The following AEN variants were observed in gnomAD, a reference collection of about 807,000 sequenced individuals.
AEN encodes the protein apoptosis-enhancing nuclease.
Under a neutral mutation model 17.7 loss-of-function variants are expected in AEN, and 21 were observed. That is an observed-to-expected ratio of 1.19 (90% CI 0.84 to 1.71). AEN has a LOEUF of 1.71. AEN is among the 40% of genes most tolerant of loss of function. The pLI is 0.00. For synonymous variants in AEN, 190 were observed against 173.0 expected, an observed-to-expected ratio of 1.10 and a Z score of -0.77; for missense variants, 462 against 435.9, an observed-to-expected ratio of 1.06 and a Z score of -0.53.
intron 1 of AEN, among the ~76,000 whole-genome samples, chr15:88,622,021 G>C (rs539902489): frequency 1.3e-5 from 2 of 152,264 alleles, no homozygotes; most frequent in East Asian, 1.9e-4. Context: ...GTGAAGAGAC[G>C]TGACTTGCCC....
chr15:88,610,031 C>G, the AEN span, among the ~76,000 whole-genome samples: 3 of 152,188 alleles, frequency 2.0e-5, no homozygotes, highest in Non-Finnish European at 4.4e-5. Flanking sequence ...ATCAGTCAGT[C>G]CTGCAAGCTG....
intron 1 of AEN, among the ~76,000 whole-genome samples, chr15:88,622,622 CAG>C (rs1173889923): frequency 2.0e-5 from 3 of 151,518 alleles, no homozygotes; most frequent in Non-Finnish European, 4.4e-5. Context: ...CAGAGTGAAA[CAG>C]AACAGAACAG....
Position 88,630,852 on chromosome 15 carries a change from G to C in AEN, c.*558G>C, listed in dbSNP as rs1314868352. ...AAAGAGGAGTTAAGTCCTAAAGGAG[G>C]CATTTCTTCCCCACCTCCCTGACCT... On this transcript the variant is annotated 3_prime_UTR_variant, in exon 4 of 4. Transcript: ENST00000332810. The surrounding 1 kb of genome is among the most constrained non-coding windows in gnomAD (Gnocchi z 5.1). 3.7e-6 allele frequency: 1 copy of C among 267,782 alleles called. No homozygotes were observed. The highest frequency in any genetic ancestry group is 7.8e-6 in the Non-Finnish European group (1 of 128,806). The allele number at this position is 267,782 out of a possible 1,614,324, so 16.6% of individuals were successfully genotyped here.
rs1429104287 is a variant in AEN at position 88,631,097 on chromosome 15, C to T, written c.*803C>T. The T allele has an allele frequency of 2.2e-6, 1 of 456,354 alleles. No individual in the cohort carries two copies. The highest frequency in any genetic ancestry group is 4.4e-6 in the Non-Finnish European group (1 of 226,682). 28.3% of individuals were successfully genotyped at this position (456,354 alleles called of 1,614,324 possible). ...TATTTTGACCCAAATCAGGGATTTC[C>T]CCAGTCCACCCAGTACTGGGCTCTT... On this transcript the variant is annotated 3_prime_UTR_variant, in exon 4 of 4. Transcript: ENST00000332810.
At chr15:88,609,688 C>T in the AEN span, among the ~76,000 whole-genome samples, 5 of 152,214 alleles carry the variant, frequency 3.3e-5, no homozygotes, top group Non-Finnish European at 7.3e-5. Context: ...GAGACTACAG[C>T]AGCCTCTTTT....
Position 88,626,309 on chromosome 15 carries a change from A to C in AEN, c.100A>C (p.Ser34Arg). ...DVLRKRHKRR[S>R]RQHQRFMARK... ...GCTTCGGAAGAGGCACAAGAGAAGG[A>C]GCCGACAGCACCAGCGGTTCATGGC... The change falls in exon 2 of 4, where the codon AGC becomes CGC. Residue 34 changes from serine to arginine, a missense_variant. Coordinates refer to ENST00000332810, the MANE Select transcript of AEN (RefSeq NM_022767.4). 1 of 1,613,702 alleles carries C rather than the reference A, an allele frequency of 6.2e-7. No individual in the cohort carries two copies. The highest frequency in any genetic ancestry group is 8.5e-7 in the Non-Finnish European group (1 of 1,179,974).
Position 88,626,545 on chromosome 15 carries a change from T to G in AEN, c.336T>G (p.Ala112=). 6.2e-7 allele frequency: 1 copy of G among 1,614,166 alleles called. No individual in the cohort carries two copies. Among genetic ancestry groups the G allele is most frequent in the Middle Eastern group, 1.6e-4 (1 of 6,062 alleles). ...GGCCCTTGCCCAGCAAGTGTGTGGC[T>G]ATCGACTGTGAGATGGTGGGCACGG... ...ASGPLPSKCV[A]IDCEMVGTGP... The change falls in exon 2 of 4, where the codon GCT becomes GCG. Residue 112 remains alanine, a synonymous_variant. Transcript: ENST00000332810.
chr15:88,607,480 C>T, the AEN span, among the ~76,000 whole-genome samples: 1 of 152,258 alleles, frequency 6.6e-6, no homozygotes, highest in Admixed American at 6.5e-5. Context: ...GTTACCAGAA[C>T]AGCCTGTGCT....
At chr15:88,608,942 A>G in the AEN span, among the ~76,000 whole-genome samples, 5 of 152,216 alleles carry the variant, frequency 3.3e-5, no homozygotes, top group African/African-American at 7.2e-5. Context: ...TGCACCAAAT[A>G]GTCCTACTCA....
At position 88,629,252 on chromosome 15, in the gene AEN, G is replaced by A. The variant is rs773545685; in HGVS notation, c.567G>A (p.Val189=). ...TCCTTAAGCTCCTGAAGGGCAAGGT[G>A]GTGGTGGGGCACGCGCTGCACAACG... is the stretch of plus-strand genomic sequence containing the variant. ...KEILKLLKGK[V]VVGHALHNDF... is the part of the protein sequence containing the mutation. Residue 189 remains valine (V), a synonymous_variant, in exon 3 of 4, where the codon GTG becomes GTA. Coordinates refer to ENST00000332810, the MANE Select transcript of AEN (RefSeq NM_022767.4). The A allele has an allele frequency of 3.7e-6, 6 of 1,613,976 alleles. No homozygotes were observed. In the East Asian group the frequency reaches 1.3e-4, roughly 36 times the overall value.
chr15:88,610,394 C>T, the AEN span, among the ~76,000 whole-genome samples: 1 of 151,352 alleles, frequency 6.6e-6, no homozygotes, highest in East Asian at 1.9e-4. Flanking sequence ...AAGGAGGTCT[C>T]AGTTTTCTAC....
At chr15:88,617,340 A>G (rs985139308), upstream of AEN, among the ~76,000 whole-genome samples, 11 of 152,032 alleles carry the variant, frequency 7.2e-5, no homozygotes, top group East Asian at 1.2e-3. Context: ...TGCAACCTCT[A>G]TCTCCGGGGT....
chr15:88,624,150 T>G (rs1022307385), intron 1 of AEN, among the ~76,000 whole-genome samples: 2 of 152,240 alleles, frequency 1.3e-5, no homozygotes, highest in Non-Finnish European at 2.9e-5. Flanking sequence ...ACCATGAAAC[T>G]AAACTTCTTG....
At chr15:88,617,357 G>A (rs373807568), upstream of AEN, among the ~76,000 whole-genome samples, 8 of 152,306 alleles carry the variant, frequency 5.3e-5, no homozygotes, top group South Asian at 8.3e-4. Context: ...GGGTGCAGGA[G>A]ATTCTCATGC....
At chr15:88,624,739 C>T (rs1380205235) in intron 1 of AEN, among the ~76,000 whole-genome samples, 1 of 152,112 alleles carries the variant, frequency 6.6e-6, no homozygotes, top group African/African-American at 2.4e-5. Context: ...CAAAAATTAG[C>T]CAGGCGTGGT....
intron 1 of AEN, among the ~76,000 whole-genome samples, chr15:88,623,214 T>G (rs1482715711): frequency 6.6e-6 from 1 of 152,198 alleles, no homozygotes; most frequent in Non-Finnish European, 1.5e-5. Flanking sequence ...GGAAGTTGGT[T>G]ACAGTTAAGA....
chr15:88,630,369 T>C lies in AEN; in HGVS notation c.*75T>C, dbSNP rs1207668713. 4 of 1,410,180 alleles carry C rather than the reference T, an allele frequency of 2.8e-6. No individual in the cohort carries two copies. In the East Asian group the frequency reaches 1.0e-4, roughly 35 times the overall value. The allele number at this position is 1,410,180 out of a possible 1,614,324, so 87.4% of individuals were successfully genotyped here. On this transcript the variant is annotated 3_prime_UTR_variant, in exon 4 of 4. Coordinates refer to ENST00000332810, the MANE Select transcript of AEN (RefSeq NM_022767.4). The surrounding 1 kb of genome is among the most constrained non-coding windows in gnomAD (Gnocchi z 5.1). ...TGGGGGCCAGGAGAGCAGCGGGCAC[T>C]CCTTCCTGGGCAGGGTGGGGCAGGA...
At chr15:88,614,596 A>G in the AEN span, among the ~76,000 whole-genome samples, 1 of 152,150 alleles carries the variant, frequency 6.6e-6, no homozygotes, top group African/African-American at 2.4e-5. Flanking sequence ...CCTTAACTGC[A>G]TCAACCGGGT....
chr15:88,606,893 T>C, the AEN span, among the ~76,000 whole-genome samples: 1 of 152,184 alleles, frequency 6.6e-6, no homozygotes, highest in Non-Finnish European at 1.5e-5. Context: ...GGCTTTTATA[T>C]TTTTCATTTA....
Sources: gnomAD v4.1 joint callset for allele counts (sites outside exome capture counted in the v4.1 genomes callset) on GRCh38, gnomAD v4.1.1 for gene constraint, Gnocchi (gnomAD v3.1) non-coding constraint, MANE v1.5 for transcripts, NCBI Gene and HGNC (gene_info 2026-07-23, HGNC 2026-07-21) for gene names.